Variants in LMX1B observed in about 807,000 individuals in gnomAD.
LMX1B encodes the protein LIM homeobox transcription factor 1-beta.
LMX1B carries 12 observed loss-of-function variants against 51.4 expected under a neutral mutation model. The ratio of observed to expected loss-of-function variants is 0.23; its 90% CI spans 0.15 to 0.38. The LOEUF (loss-of-function observed/expected upper bound fraction) is 0.38. Ranked by LOEUF, LMX1B falls within the 10% of genes least tolerant of loss-of-function variation. The pLI is 1.00. For synonymous variants in LMX1B, 237 were observed against 235.4 expected (o/e 1.01, Z -0.06); for missense variants, 445 against 571.1 (o/e 0.78, Z 2.25).
In LMX1B at chr9:126,641,449, G is replaced by A. The variant is rs899627151; in HGVS notation, c.326+25880G>A. ...CACCTGCCTGAGGTCATAGCTAATA[G>A]CAGGAACAGGACATGAACCCATGTC... On this transcript the variant is annotated intron_variant, in intron 2 of 7. Transcript: ENST00000373474. This position sits in a 1 kb window ranked among gnomAD's most constrained non-coding sequence, Gnocchi z 4.1. 3.9e-5 allele frequency among the ~76,000 whole-genome samples: 6 copies of A among 152,160 alleles called. No homozygotes were observed. Among genetic ancestry groups the A allele is most frequent in the African/African-American group, 1.2e-4 (5 of 41,430 alleles).
chr9:126,620,707 G>C (rs1835394796), intron 2 of LMX1B, among the ~76,000 whole-genome samples: 1 of 152,056 alleles, frequency 6.6e-6, no homozygotes, highest in Admixed American at 6.5e-5. Context: ...GGCCGGGTGT[G>C]CTGGCTCTTT....
chr9:126,635,207 C>G (rs914164517), intron 2 of LMX1B, among the ~76,000 whole-genome samples: 1 of 152,222 alleles, frequency 6.6e-6, no homozygotes, highest in Admixed American at 6.5e-5. Context: ...AGCTCCTGCT[C>G]ACCCTTCCCC....
In LMX1B at chr9:126,696,489, G is replaced by T. The variant is rs201442685; in HGVS notation, c.*38G>T. The T allele has an allele frequency of 5.0e-6, 8 of 1,606,578 alleles. No homozygotes were observed. In the African/African-American group the frequency reaches 9.4e-5, roughly 19 times the overall value. On this transcript the variant is annotated 3_prime_UTR_variant, in exon 8 of 8. Transcript: ENST00000373474. The stretch of plus-strand genomic sequence containing the variant: ...CGCACGGACGCTTGGGCAGGGGCCT[G>T]GGGGGGACTGCCAGCCTCTGCGGCC...
rs1195721256 is a variant in LMX1B at position 126,626,017 on chromosome 9, C to T, written c.326+10448C>T. On this transcript the variant is annotated intron_variant, in intron 2 of 7. Transcript: ENST00000373474. This position sits in a 1 kb window ranked among gnomAD's most constrained non-coding sequence, Gnocchi z 4.3. ...CACCCAGAAACGAAGCCTGCGTGCC[C>T]CCGGGGGCTCCGTTTTGCTCCCCTC... is the stretch of plus-strand genomic sequence containing the variant. 1.3e-5 allele frequency among the ~76,000 whole-genome samples: 2 copies of T among 152,268 alleles called. No homozygotes were observed. Among genetic ancestry groups the T allele is most frequent in the African/African-American group, 4.8e-5 (2 of 41,472 alleles).
intron 2 of LMX1B, among the ~76,000 whole-genome samples, chr9:126,646,914 T>G (rs1338500333): frequency 6.6e-6 from 1 of 152,088 alleles, no homozygotes; most frequent in East Asian, 1.9e-4. Flanking sequence ...GAACACACAA[T>G]GTGATAGGTG....
At chr9:126,645,162 C>G (rs888453031) in intron 2 of LMX1B, among the ~76,000 whole-genome samples, 1 of 152,200 alleles carries the variant, frequency 6.6e-6, no homozygotes, top group Non-Finnish European at 1.5e-5. Context: ...GGAAGACCAT[C>G]GCTCAGACCA....
At chr9:126,666,348 C>G (rs763844153) in intron 2 of LMX1B, among the ~76,000 whole-genome samples, 2 of 152,130 alleles carry the variant, frequency 1.3e-5, no homozygotes, top group Non-Finnish European at 2.9e-5. Context: ...AGCCAAGGCA[C>G]GGAGTTGAGG....
rs575070809 is a variant in LMX1B at position 126,675,906 on chromosome 9, G to A, written c.327-14930G>A. ...CTACTAAAAATACAAAAAATTAGCC[G>A]GGCGTGGTAGCGGGCACCTGTAGTC... On this transcript the variant is annotated intron_variant, in intron 2 of 7. Coordinates refer to ENST00000373474, the MANE Select transcript of LMX1B (RefSeq NM_001174147.2). 6.4e-3 allele frequency among the ~76,000 whole-genome samples: 964 copies of A among 149,994 alleles called. 13 individuals carry two copies. Among genetic ancestry groups the A allele is most frequent in the African/African-American group, 0.022 (896 of 40,622 alleles).
chr9:126,665,889 C>CA (rs1199959070), intron 2 of LMX1B, among the ~76,000 whole-genome samples: 2 of 152,246 alleles, frequency 1.3e-5, no homozygotes, highest in African/African-American at 4.8e-5. Context: ...AGGGCTACAC[C>CA]ATTGTCTCCA....
chr9:126,617,168 G>A (rs879475531), intron 2 of LMX1B, among the ~76,000 whole-genome samples: 23 of 152,160 alleles, frequency 1.5e-4, no homozygotes, highest in Non-Finnish European at 1.5e-4. Context: ...GGTAGATGTG[G>A]CTGTGGGCTC....
intron 2 of LMX1B, among the ~76,000 whole-genome samples, chr9:126,650,352 G>A (rs954724395): frequency 3.0e-4 from 46 of 152,320 alleles, no homozygotes; most frequent in African/African-American, 1.1e-3. Context: ...CTGGGAAGCC[G>A]AGACCAGAGC....
At chr9:126,652,164 A>G (rs1010020096) in intron 2 of LMX1B, among the ~76,000 whole-genome samples, 2 of 152,058 alleles carry the variant, frequency 1.3e-5, no homozygotes, top group South Asian at 2.1e-4. Context: ...TTGAAACCCA[A>G]ACCGGAGGAG....
Position 126,699,321 on chromosome 9 carries a change from C to G in LMX1B, c.*2870C>G, listed in dbSNP as rs572406923. Reference sequence around the variant, plus strand: ...GTCCCCTGTGGTTTGTGAATGACCTCCAGGTCAGGGGGTCACAACTTGTTC... The same window carrying G: ...GTCCCCTGTGGTTTGTGAATGACCTGCAGGTCAGGGGGTCACAACTTGTTC... On this transcript the variant is annotated 3_prime_UTR_variant, in exon 8 of 8. Transcript: ENST00000373474. The G allele has an allele frequency of 6.6e-6, 1 of 152,226 alleles. No homozygotes were observed. The highest frequency in any genetic ancestry group is 1.5e-5 in the Non-Finnish European group (1 of 68,054). The allele number at this position is 152,226 out of a possible 1,614,324, so 9.4% of individuals were successfully genotyped here.
chr9:126,613,986 G>A lies in LMX1B; in HGVS notation c.-464G>A, dbSNP rs2118816357. Among the ~76,000 whole-genome samples, 1 of 144,846 alleles carries A rather than the reference G, an allele frequency of 6.9e-6. No homozygotes were observed. Among genetic ancestry groups the A allele is most frequent in the African/African-American group, 2.5e-5 (1 of 40,510 alleles). ...GCACCATGGCACTGGAGTAGCGCGGGGAGCGCGCCCGGAGCCCCGCGGCCC... is the reference window on the plus strand; with the variant it reads ...GCACCATGGCACTGGAGTAGCGCGGAGAGCGCGCCCGGAGCCCCGCGGCCC... On this transcript the variant is annotated 5_prime_UTR_variant, in exon 1 of 8. Coordinates refer to ENST00000373474, the MANE Select transcript of LMX1B (RefSeq NM_001174147.2). This position sits in a 1 kb window ranked among gnomAD's most constrained non-coding sequence, Gnocchi z 4.5.
In LMX1B at chr9:126,619,287, C is replaced by T. The variant is rs111915547; in HGVS notation, c.326+3718C>T. 2.3e-3 allele frequency among the ~76,000 whole-genome samples: 344 copies of T among 152,336 alleles called. 2 individuals are homozygous for T. The highest frequency in any genetic ancestry group is 7.9e-3 in the African/African-American group (330 of 41,578). On this transcript the variant is annotated intron_variant, in intron 2 of 7. Coordinates refer to ENST00000373474, the MANE Select transcript of LMX1B (RefSeq NM_001174147.2). The stretch of plus-strand genomic sequence containing the variant: ...TTCTTGGGAGGCTCACCTCTCCCCC[C>T]ACACTCCCCATCCAGCTCCCGCGTT...
chr9:126,635,058 A>G (rs558041361), intron 2 of LMX1B, among the ~76,000 whole-genome samples: 1 of 152,322 alleles, frequency 6.6e-6, no homozygotes, highest in South Asian at 2.1e-4. Flanking sequence ...CACAAGCGCC[A>G]TATGAAGCCT....
At chr9:126,616,501 C>T (rs887322911) in intron 2 of LMX1B, among the ~76,000 whole-genome samples, 1 of 152,208 alleles carries the variant, frequency 6.6e-6, no homozygotes, top group Non-Finnish European at 1.5e-5. Context: ...CAGTGAGGAG[C>T]CACAACTGAA....
intron 2 of LMX1B, among the ~76,000 whole-genome samples, chr9:126,647,106 G>A (rs1007024517): frequency 2.0e-5 from 3 of 152,126 alleles, no homozygotes; most frequent in Non-Finnish European, 4.4e-5. Flanking sequence ...CAGGAGACAG[G>A]CTGGCGGATC....
At chr9:126,663,745 A>G (rs1836288496) in intron 2 of LMX1B, among the ~76,000 whole-genome samples, 1 of 152,238 alleles carries the variant, frequency 6.6e-6, no homozygotes, top group Admixed American at 6.5e-5. Context: ...TCTGGCACAT[A>G]GTCAACACAC....
Sources: gnomAD v4.1 joint callset for allele counts (sites outside exome capture counted in the v4.1 genomes callset) on GRCh38, gnomAD v4.1.1 for gene constraint, Gnocchi (gnomAD v3.1) non-coding constraint, MANE v1.5 for transcripts, NCBI Gene and HGNC (gene_info 2026-07-23, HGNC 2026-07-21) for gene names.